The following RAB33A variants were observed in gnomAD, a reference collection of about 807,000 sequenced individuals.
The protein encoded by RAB33A is RAB33A, member RAS oncogene family.
In RAB33A, 6 loss-of-function variants were observed where a neutral mutation model predicts 12.0. That is an observed-to-expected ratio of 0.50 (90% CI 0.27 to 0.99). The LOEUF (loss-of-function observed/expected upper bound fraction) is 0.99. RAB33A is among the 50% of genes least tolerant of loss of function. The pLI is 0.11. For missense variants in RAB33A, 109 were observed against 192.0 expected (o/e 0.57, Z 2.55); for synonymous variants, 70 against 82.4 (o/e 0.85, Z 0.81).
At chrX:130,114,859 T>C in the RAB33A span, among the ~76,000 whole-genome samples, 1 of 112,029 alleles carries the variant, frequency 8.9e-6, no homozygotes, top group African/African-American at 3.2e-5. Context: ...TGGAGTGCAG[T>C]GGTACAATCA....
chrX:130,174,913 A>G (rs209550), intron 1 of RAB33A, among the ~76,000 whole-genome samples: 52,831 of 108,779 alleles, frequency 0.49, 9,884 homozygotes, highest in African/African-American at 0.66. Context: ...TATGTTCCCC[A>G]CCCTCACCCC....
chrX:130,145,813 G>A, the RAB33A span, among the ~76,000 whole-genome samples: 2 of 111,842 alleles, frequency 1.8e-5, no homozygotes, highest in African/African-American at 3.2e-5. Context: ...AATCTGGGTT[G>A]TAATAACTTG....
the RAB33A span, among the ~76,000 whole-genome samples, chrX:130,160,714 G>A: frequency 2.3e-4 from 25 of 110,758 alleles, 1 homozygote; most frequent in Admixed American, 2.3e-3. Flanking sequence ...CATCGTGCCC[G>A]GATAACTGAA....
the RAB33A span, among the ~76,000 whole-genome samples, chrX:130,151,386 A>G: frequency 9.0e-6 from 1 of 110,924 alleles, no homozygotes; most frequent in African/African-American, 3.3e-5. Context: ...TGATCCACCC[A>G]CCTTGGCCTC....
chrX:130,132,764 T>TTTTA, the RAB33A span, among the ~76,000 whole-genome samples: 1 of 83,683 alleles, frequency 1.2e-5, no homozygotes, highest in African/African-American at 5.0e-5. Context: ...TTTTTTTTTT[T>TTTTA]GAGACGGAGT....
At chrX:130,135,682 C>T in the RAB33A span, among the ~76,000 whole-genome samples, 1 of 111,569 alleles carries the variant, frequency 9.0e-6, no homozygotes, top group Non-Finnish European at 1.9e-5. Context: ...CAGGTTATAA[C>T]ATTGCTTCAT....
the RAB33A span, among the ~76,000 whole-genome samples, chrX:130,117,138 T>C: frequency 4.5e-5 from 5 of 111,910 alleles, no homozygotes; most frequent in South Asian, 1.1e-3. Flanking sequence ...GGTGTGAACC[T>C]GGGAGGCGGA....
chrX:130,178,978 A>T (rs2031694075), intron 1 of RAB33A, among the ~76,000 whole-genome samples: 1 of 102,708 alleles, frequency 9.7e-6, no homozygotes, highest in Non-Finnish European at 2.0e-5. Context: ...TAATGAGATC[A>T]TTTCATGTGT....
At chrX:130,160,450 G>A in the RAB33A span, among the ~76,000 whole-genome samples, 383 of 112,257 alleles carry the variant, frequency 3.4e-3, 3 homozygotes, top group African/African-American at 0.012. Context: ...TCATTCTTAA[G>A]AAGCCAGTTT....
At chrX:130,153,615 T>C in the RAB33A span, among the ~76,000 whole-genome samples, 3 of 111,100 alleles carry the variant, frequency 2.7e-5, no homozygotes, top group East Asian at 8.5e-4. Flanking sequence ...GTGATAATGA[T>C]TGAATGAAGT....
the RAB33A span, chrX:130,135,896 G>A: frequency 1.3e-6 from 1 of 770,325 alleles, no homozygotes; most frequent in Non-Finnish European, 2.0e-6. Flanking sequence ...GAATCAAGCA[G>A]TTCACACATT....
the RAB33A span, chrX:130,140,416 C>T: frequency 1.6e-6 from 1 of 627,893 alleles, no homozygotes; most frequent in Admixed American, 2.3e-5. Context: ...AAGACACTCA[C>T]TTCAGAGAGT....
chrX:130,113,273 G>A, the RAB33A span, among the ~76,000 whole-genome samples: 4 of 107,519 alleles, frequency 3.7e-5, no homozygotes, highest in East Asian at 5.8e-4. Flanking sequence ...AGTAGAGGCA[G>A]GGGTTCACTG....
chrX:130,159,996 AT>A, the RAB33A span, among the ~76,000 whole-genome samples: 3 of 110,065 alleles, frequency 2.7e-5, no homozygotes, highest in Admixed American at 9.7e-5. Flanking sequence ...TAATTTTTCT[AT>A]TTTTTGTAGA....
At chrX:130,147,482 A>C in the RAB33A span, 2 of 1,211,764 alleles carry the variant, frequency 1.7e-6, no homozygotes, top group Non-Finnish European at 2.2e-6. Flanking sequence ...ATTTTACATA[A>C]GCAAACACAC....
the RAB33A span, among the ~76,000 whole-genome samples, chrX:130,151,626 T>C: frequency 8.9e-6 from 1 of 112,538 alleles, no homozygotes; most frequent in African/African-American, 3.2e-5. Flanking sequence ...TTGAATTTAC[T>C]ACTAAATGTA....
At chrX:130,148,599 C>T in the RAB33A span, among the ~76,000 whole-genome samples, 6 of 110,424 alleles carry the variant, frequency 5.4e-5, no homozygotes, top group East Asian at 2.9e-4. Context: ...TTTGGGAGGC[C>T]GAAGCAGGCG....
At chrX:130,163,166 C>G in the RAB33A span, among the ~76,000 whole-genome samples, 1 of 109,796 alleles carries the variant, frequency 9.1e-6, no homozygotes, top group Non-Finnish European at 1.9e-5. Flanking sequence ...AAAAATTAGC[C>G]CGGCGTGGTG....
At chrX:130,114,558 C>A in the RAB33A span, among the ~76,000 whole-genome samples, 1 of 112,295 alleles carries the variant, frequency 8.9e-6, no homozygotes, top group Non-Finnish European at 1.9e-5. Context: ...CAGGAATTCC[C>A]CTTCTCGAGT....
Sources: allele counts gnomAD v4.1 joint callset (sites outside exome capture counted in the v4.1 genomes callset), GRCh38; gene constraint gnomAD v4.1.1; transcripts MANE v1.5; gene names NCBI Gene and HGNC (gene_info 2026-07-23, HGNC 2026-07-21).